SATL1: variants seen among roughly 807,000 people sequenced by gnomAD.
The protein encoded by SATL1 is spermidine/spermine N(1)-acetyltransferase-like protein 1.
A neutral mutation model predicts 51.8 loss-of-function variants in SATL1; 47 were observed. The ratio of observed to expected loss-of-function variants is 0.91; its 90% CI spans 0.72 to 1.16. The LOEUF (loss-of-function observed/expected upper bound fraction) is 1.16, where lower values mean the gene tolerates loss of function less well. Ranked by LOEUF, SATL1 falls within the 50% of genes most tolerant of loss-of-function variation. The pLI is 0.00. For missense variants in SATL1, 520 were observed against 526.4 expected, an observed-to-expected ratio of 0.99 and a Z score of 0.12; for synonymous variants, 176 against 182.4, an observed-to-expected ratio of 0.97 and a Z score of 0.28.
intron 2 of SATL1, among the ~76,000 whole-genome samples, chrX:85,151,264 G>A (rs1025838265): frequency 1.5e-4 from 17 of 110,754 alleles, no homozygotes; most frequent in African/African-American, 5.3e-4. Flanking sequence ...TACAAGGGAT[G>A]TGAAGGACCT....
chrX:85,228,116 T>C (rs752630457), intron 1 of SATL1, among the ~76,000 whole-genome samples: 2 of 111,161 alleles, frequency 1.8e-5, no homozygotes, highest in East Asian at 5.7e-4. Context: ...TCTACTTTCA[T>C]AAATTTTTGG....
intron 2 of SATL1, among the ~76,000 whole-genome samples, chrX:85,140,983 G>T (rs1381853862): frequency 9.0e-6 from 1 of 111,536 alleles, no homozygotes; most frequent in Non-Finnish European, 1.9e-5. Context: ...GTTCACTGAG[G>T]TTATCAAGGA....
chrX:85,139,264 C>T (rs1602861296), intron 2 of SATL1, among the ~76,000 whole-genome samples: 1 of 111,466 alleles, frequency 9.0e-6, no homozygotes, highest in East Asian at 2.8e-4. Context: ...GTGCCAAGCA[C>T]TGTGGTAAAT....
At chrX:85,215,472 C>T (rs1374793164) in intron 2 of SATL1, among the ~76,000 whole-genome samples, 3 of 112,244 alleles carry the variant, frequency 2.7e-5, no homozygotes, top group Non-Finnish European at 5.6e-5. Context: ...GACTTTTACA[C>T]TCTGCTTCCT....
chrX:85,200,955 G>A (rs1191685085), intron 2 of SATL1, among the ~76,000 whole-genome samples: 1 of 110,967 alleles, frequency 9.0e-6, no homozygotes, highest in African/African-American at 3.3e-5. Context: ...GAAGAAATCT[G>A]TGAGGAACAT....
At chrX:85,218,858 T>C (rs1484308331) in intron 2 of SATL1, among the ~76,000 whole-genome samples, 1 of 112,264 alleles carries the variant, frequency 8.9e-6, no homozygotes. Flanking sequence ...AAGTATTTAA[T>C]GGTTATTTGA....
intron 1 of SATL1, among the ~76,000 whole-genome samples, chrX:85,241,613 T>C (rs1928595730): frequency 8.9e-6 from 1 of 111,811 alleles, no homozygotes; most frequent in African/African-American, 3.3e-5. Flanking sequence ...CTAAAGGACA[T>C]ATGTTGAATG....
intron 2 of SATL1, among the ~76,000 whole-genome samples, chrX:85,204,113 C>T (rs957998043): frequency 9.0e-6 from 1 of 111,560 alleles, no homozygotes; most frequent in Non-Finnish European, 1.9e-5. Context: ...AAGGAGATCT[C>T]CTGACTTAAG....
At chrX:85,223,409 A>G (rs957360854) in intron 2 of SATL1, among the ~76,000 whole-genome samples, 1 of 111,551 alleles carries the variant, frequency 9.0e-6, no homozygotes, top group Non-Finnish European at 1.9e-5. Flanking sequence ...GATATTAGTT[A>G]AGGCCAAGAG....
At chrX:85,168,836 C>A (rs1198705572) in intron 2 of SATL1, among the ~76,000 whole-genome samples, 1 of 111,514 alleles carries the variant, frequency 9.0e-6, no homozygotes, top group Non-Finnish European at 1.9e-5. Context: ...GCAGAAAGAA[C>A]AAAGCTGGAG....
chrX:85,213,369 T>C (rs1017008377), intron 2 of SATL1, among the ~76,000 whole-genome samples: 4 of 112,042 alleles, frequency 3.6e-5, no homozygotes, highest in Admixed American at 2.9e-4. Context: ...ACAAATAACA[T>C]AGAATGCAAA....
At position 85,131,816 on chromosome X, in the gene SATL1, C is replaced by G. The variant is rs370160128; in HGVS notation, c.-312-22536G>C. The stretch of plus-strand genomic sequence containing the variant: ...TGTTCCTTTCCATGTTTAGTGCTTC[C>G]TTCAGGAGCTCTTGTAAGGCAGGCC... On this transcript the variant is annotated intron_variant, in intron 2 of 7. Transcript: ENST00000644105. Among the ~76,000 whole-genome samples, 13 of 111,564 alleles carry G rather than the reference C, an allele frequency of 1.2e-4. No individual in the cohort carries two copies. In the East Asian group the frequency reaches 2.5e-3, roughly 22 times the overall value.
intron 2 of SATL1, among the ~76,000 whole-genome samples, chrX:85,155,100 A>G (rs1265699255): frequency 9.0e-6 from 1 of 111,451 alleles, no homozygotes; most frequent in Admixed American, 9.6e-5. Context: ...TTGCACCATA[A>G]TTCCGTATCC....
intron 2 of SATL1, among the ~76,000 whole-genome samples, chrX:85,115,170 C>T (rs1019680932): frequency 2.7e-5 from 3 of 111,486 alleles, no homozygotes; most frequent in African/African-American, 9.8e-5. Flanking sequence ...GTTTATTTGC[C>T]CTCTTGACCT....
chrX:85,173,090 T>C (rs1301069542), intron 2 of SATL1, among the ~76,000 whole-genome samples: 3 of 111,535 alleles, frequency 2.7e-5, no homozygotes, highest in Non-Finnish European at 5.7e-5. Context: ...AAATTCTCCA[T>C]TTTTAAAAGT....
At chrX:85,135,898 GA>G (rs1407169943) in intron 2 of SATL1, among the ~76,000 whole-genome samples, 2 of 109,694 alleles carry the variant, frequency 1.8e-5, no homozygotes, top group Admixed American at 1.9e-4. Context: ...TAAATCTAAT[GA>G]AAAAAGGAAA....
intron 2 of SATL1, among the ~76,000 whole-genome samples, chrX:85,111,278 T>G (rs1311894621): frequency 9.0e-6 from 1 of 111,514 alleles, no homozygotes; most frequent in Non-Finnish European, 1.9e-5. Flanking sequence ...TTACATGAGT[T>G]GAAGACTATT....
chrX:85,193,763 C>T (rs959171879), intron 2 of SATL1, among the ~76,000 whole-genome samples: 6 of 111,991 alleles, frequency 5.4e-5, no homozygotes, highest in African/African-American at 1.9e-4. Context: ...TAAGTGAGAA[C>T]ATCTGGTATT....
intron 2 of SATL1, among the ~76,000 whole-genome samples, chrX:85,197,953 C>T (rs1927608875): frequency 9.1e-6 from 1 of 109,691 alleles, no homozygotes; most frequent in African/African-American, 3.3e-5. Context: ...TTTTTGAACC[C>T]AATAAAAATC....
Sources: gnomAD v4.1 joint callset for allele counts (sites outside exome capture counted in the v4.1 genomes callset) on GRCh38, gnomAD v4.1.1 for gene constraint, MANE v1.5 for transcripts, NCBI Gene and HGNC (gene_info 2026-07-23, HGNC 2026-07-21) for gene names.